The following DAB1 variants were observed in gnomAD, a reference collection of about 807,000 sequenced individuals.
The protein encoded by DAB1 is disabled homolog 1.
A neutral mutation model predicts 64.6 loss-of-function variants in DAB1; 15 were observed. That is an observed-to-expected ratio of 0.23 (90% CI 0.16 to 0.36). DAB1 has a LOEUF of 0.36. Ranked by LOEUF, DAB1 falls within the 10% of genes least tolerant of loss-of-function variation. The probability of loss-of-function intolerance (pLI) is 1.00; values close to 1 mark genes in which losing one functional copy is unlikely to be tolerated. For synonymous variants in DAB1, 235 were observed against 251.9 expected (o/e 0.93, Z 0.64); for missense variants, 596 against 706.7 (o/e 0.84, Z 1.78).
intron 1 of DAB1, among the ~76,000 whole-genome samples, chr1:57,396,998 A>T (rs539721336): frequency 2.0e-5 from 3 of 152,238 alleles, no homozygotes; most frequent in African/African-American, 7.2e-5. Flanking sequence ...TTATATTAAC[A>T]TACTACATTT....
intron 5 of DAB1, among the ~76,000 whole-genome samples, chr1:57,961,904 G>A (rs555117339): frequency 3.3e-5 from 5 of 152,086 alleles, no homozygotes; most frequent in East Asian, 1.9e-4. Flanking sequence ...CCTGGGAGGC[G>A]GAGGTTGCAG....
intron 5 of DAB1, among the ~76,000 whole-genome samples, chr1:58,128,284 G>A (rs1193425105): frequency 6.6e-6 from 1 of 150,846 alleles, no homozygotes; most frequent in African/African-American, 2.4e-5. Context: ...GTATAAGAAT[G>A]CCTGTGATTT....
intron 4 of DAB1, among the ~76,000 whole-genome samples, chr1:58,305,387 T>C (rs1662282344): frequency 6.6e-6 from 1 of 152,238 alleles, no homozygotes; most frequent in Non-Finnish European, 1.5e-5. Context: ...GTCATTTTTA[T>C]TTTGTTTATT....
intron 6 of DAB1, among the ~76,000 whole-genome samples, chr1:57,727,979 G>A (rs1647255588): frequency 6.6e-6 from 1 of 152,152 alleles, no homozygotes; most frequent in African/African-American, 2.4e-5. Context: ...AAGAAAGTGG[G>A]CCTCATAAGC....
intron 2 of DAB1, among the ~76,000 whole-genome samples, chr1:57,151,324 T>C (rs1191949860): frequency 6.6e-6 from 1 of 152,168 alleles, no homozygotes; most frequent in Non-Finnish European, 1.5e-5. Context: ...TATATACGTG[T>C]TCTAAGGTCC....
intron 6 of DAB1, among the ~76,000 whole-genome samples, chr1:57,773,690 C>T (rs559020573): frequency 1.3e-5 from 2 of 152,038 alleles, no homozygotes; most frequent in Admixed American, 6.6e-5. Flanking sequence ...GTATGATATG[C>T]GATGAGGGTC....
chr1:57,085,287 C>G (rs1162146303), intron 4 of DAB1, among the ~76,000 whole-genome samples: 2 of 152,194 alleles, frequency 1.3e-5, no homozygotes, highest in African/African-American at 4.8e-5. Context: ...CAAGCTCTGC[C>G]CAGCTGTCTG....
At chr1:58,512,059 CA>C (rs1226992415) in intron 2 of DAB1, among the ~76,000 whole-genome samples, 1 of 151,870 alleles carries the variant, frequency 6.6e-6, no homozygotes, top group Non-Finnish European at 1.5e-5. Flanking sequence ...AACTCAATAG[CA>C]AAAAACCCAA....
chr1:57,032,738 C>A (rs1414415612), intron 9 of DAB1, among the ~76,000 whole-genome samples: 2 of 152,122 alleles, frequency 1.3e-5, no homozygotes, highest in African/African-American at 4.8e-5. Flanking sequence ...CAATTTGATG[C>A]CAAGGTTGAA....
At chr1:57,955,230 T>C (rs531868766) in intron 5 of DAB1, among the ~76,000 whole-genome samples, 45 of 152,306 alleles carry the variant, frequency 3.0e-4, no homozygotes, top group African/African-American at 1.1e-3. Context: ...TTGAGGCTCA[T>C]GGCAGGTCTC....
intron 4 of DAB1, among the ~76,000 whole-genome samples, chr1:58,190,880 G>A (rs1363788877): frequency 1.3e-5 from 2 of 152,360 alleles, no homozygotes; most frequent in East Asian, 3.9e-4. Flanking sequence ...TCTAGCTGAT[G>A]AGACTGTGGG....
At chr1:57,003,433 CTGCAGTTGGG>C (rs1406143252) in intron 14 of DAB1, among the ~76,000 whole-genome samples, 1 of 152,146 alleles carries the variant, frequency 6.6e-6, no homozygotes, top group Admixed American at 6.6e-5. Flanking sequence ...CCTGGGCTCC[CTGCAGTTGGG>C]TGACCTGTGC....
At chr1:58,373,051 A>G (rs938762067) in intron 3 of DAB1, among the ~76,000 whole-genome samples, 20 of 152,214 alleles carry the variant, frequency 1.3e-4, no homozygotes, top group Admixed American at 2.0e-4. Context: ...CTGTGGAAGG[A>G]ACAGGAGTAT....
intron 6 of DAB1, among the ~76,000 whole-genome samples, chr1:57,658,234 T>C (rs796771058): frequency 3.1e-4 from 47 of 152,304 alleles, no homozygotes; most frequent in South Asian, 2.1e-3. Flanking sequence ...TGCTTCTATG[T>C]CTTGCAATGT....
At chr1:57,828,299 T>C (rs887424683) in intron 1 of DAB1, among the ~76,000 whole-genome samples, 3 of 152,210 alleles carry the variant, frequency 2.0e-5, no homozygotes, top group African/African-American at 4.8e-5. Flanking sequence ...TTAAAAACTT[T>C]TCTGAAGTTC....
At chr1:58,538,755 A>G (rs1646557683) in intron 1 of DAB1, 1 of 713,380 alleles carries the variant, frequency 1.4e-6, no homozygotes, top group Admixed American at 2.6e-5. Context: ...TTAATGCAAA[A>G]AGTTAATATA....
downstream of DAB1, among the ~76,000 whole-genome samples, chr1:57,825,121 T>A (rs1467431473): frequency 6.6e-6 from 1 of 152,194 alleles, no homozygotes; most frequent in Admixed American, 6.5e-5. Context: ...TCATTGAAGA[T>A]CTTTACAATT....
chr1:57,524,546 C>T (rs1377010385), intron 7 of DAB1, among the ~76,000 whole-genome samples: 3 of 152,020 alleles, frequency 2.0e-5, no homozygotes, highest in African/African-American at 4.8e-5. Context: ...TTGGGATAGG[C>T]GATGAAGTTA....
At chr1:58,021,629 AGT>A (rs1165570774) in intron 5 of DAB1, among the ~76,000 whole-genome samples, 1 of 152,224 alleles carries the variant, frequency 6.6e-6, no homozygotes, top group Non-Finnish European at 1.5e-5. Flanking sequence ...AAATGAGGCA[AGT>A]ATGGAATATG....
Sources: allele counts gnomAD v4.1 joint callset (sites outside exome capture counted in the v4.1 genomes callset), GRCh38; gene constraint gnomAD v4.1.1; transcripts MANE v1.5; gene names NCBI Gene and HGNC (gene_info 2026-07-23, HGNC 2026-07-21).